Variants in FAM13A observed in about 807,000 individuals in gnomAD.
The protein encoded by FAM13A is family with sequence similarity 13 member A, also known as protein FAM13A.
A neutral mutation model predicts 129.6 loss-of-function variants in FAM13A; 76 were observed. The observed-to-expected ratio is 0.59, with a 90% CI of 0.49 to 0.71. FAM13A has a LOEUF of 0.71. Among genes scored for constraint, FAM13A ranks in the 30% least tolerant of loss-of-function variants. FAM13A has a pLI of 0.00. For missense variants in FAM13A, 1,108 were observed against 1,249.3 expected (o/e 0.89, Z 1.70); for synonymous variants, 443 against 449.9 (o/e 0.98, Z 0.20).
chr4:88,783,158 T>C (rs1418670017), intron 10 of FAM13A, among the ~76,000 whole-genome samples: 1 of 152,178 alleles, frequency 6.6e-6, no homozygotes, highest in East Asian at 1.9e-4. Flanking sequence ...TAGATATTTT[T>C]AATGTATAAT....
intron 21 of FAM13A, 91 bp downstream of exon 21, chr4:88,737,381 G>A (rs1578423922): frequency 2.7e-6 from 3 of 1,112,820 alleles, no homozygotes; most frequent in Admixed American, 1.7e-5. Context: ...CAAAAGGCCC[G>A]ATCACACCCC....
At chr4:88,868,344 T>C (rs992317460) in intron 6 of FAM13A, among the ~76,000 whole-genome samples, 9 of 152,208 alleles carry the variant, frequency 5.9e-5, no homozygotes, top group African/African-American at 2.2e-4. Context: ...GCACGAACCA[T>C]CCACCCACTT....
intron 4 of FAM13A, among the ~76,000 whole-genome samples, chr4:88,949,131 T>C (rs1756485681): frequency 6.6e-6 from 1 of 152,232 alleles, no homozygotes; most frequent in South Asian, 2.1e-4. Context: ...CTCACCTTTG[T>C]TTCAATGATG....
At chr4:88,760,713 T>C (rs1255912748) in intron 13 of FAM13A, among the ~76,000 whole-genome samples, 1 of 152,016 alleles carries the variant, frequency 6.6e-6, no homozygotes, top group Non-Finnish European at 1.5e-5. Context: ...ATTAGGCATT[T>C]ATGTCACAAA....
chr4:89,005,808 T>C (rs1381998257), intron 3 of FAM13A, among the ~76,000 whole-genome samples: 1 of 152,224 alleles, frequency 6.6e-6, no homozygotes, highest in Admixed American at 6.5e-5. Context: ...AGGCTGGATA[T>C]TAAACCTTTG....
At chr4:89,056,299 A>T (rs1456213428) in intron 1 of FAM13A, among the ~76,000 whole-genome samples, 1 of 152,216 alleles carries the variant, frequency 6.6e-6, no homozygotes, top group African/African-American at 2.4e-5. Context: ...TAATTTAGAA[A>T]TTCATAAATT....
intron 6 of FAM13A, among the ~76,000 whole-genome samples, chr4:88,870,475 G>C (rs185574065): frequency 6.6e-6 from 1 of 152,228 alleles, no homozygotes; most frequent in Non-Finnish European, 1.5e-5. Context: ...CACACCAGGA[G>C]ATTATACCCC....
chr4:89,016,486 G>C (rs1341181137), intron 3 of FAM13A, among the ~76,000 whole-genome samples: 2 of 152,034 alleles, frequency 1.3e-5, no homozygotes, highest in Non-Finnish European at 2.9e-5. Context: ...TAATCTCCTA[G>C]GCCTTCATAT....
chr4:89,003,790 G>A (rs1764616139), intron 3 of FAM13A, among the ~76,000 whole-genome samples: 1 of 152,122 alleles, frequency 6.6e-6, no homozygotes, highest in African/African-American at 2.4e-5. Flanking sequence ...ATTGTTTGGA[G>A]TAAGTGGCAA....
rs972538688 is a variant in FAM13A, at chr4:88,727,098, C to T, written c.*1435G>A. Reference sequence around the variant, plus strand: ...AAAACTGTGCCCTTTCAGAAGGCAACTTTCAAAACATACGAGGGTGCCTCT... The same window carrying T: ...AAAACTGTGCCCTTTCAGAAGGCAATTTTCAAAACATACGAGGGTGCCTCT... On this transcript the variant is annotated 3_prime_UTR_variant, in exon 24 of 24. Transcript: ENST00000264344. 6.6e-6 allele frequency: 1 copy of T among 152,304 alleles called. No homozygotes were observed. Among genetic ancestry groups the T allele is most frequent in the Non-Finnish European group, 1.5e-5 (1 of 68,034 alleles). 9.4% of individuals were successfully genotyped at this position (152,304 alleles called of 1,614,324 possible).
intron 1 of FAM13A, among the ~76,000 whole-genome samples, chr4:89,048,495 G>A (rs1434168883): frequency 6.6e-6 from 1 of 152,034 alleles, no homozygotes; most frequent in Admixed American, 6.6e-5. Flanking sequence ...TTCTAGAAAT[G>A]GATTTTGGTG....
intron 2 of FAM13A, among the ~76,000 whole-genome samples, chr4:89,023,238 T>A (rs10006744): frequency 0.48 from 73,046 of 151,910 alleles, 17,996 homozygotes; most frequent in Middle Eastern, 0.57. Context: ...AAGTTTATCT[T>A]TAGCTTCAGA....
chr4:88,845,447 C>G (rs879395209), intron 7 of FAM13A, among the ~76,000 whole-genome samples: 7 of 151,936 alleles, frequency 4.6e-5, no homozygotes, highest in Non-Finnish European at 1.0e-4. Flanking sequence ...AGCAGACAGA[C>G]AGAGCAGACA....
At chr4:88,898,244 G>A (rs1746677792) in intron 6 of FAM13A, among the ~76,000 whole-genome samples, 1 of 152,054 alleles carries the variant, frequency 6.6e-6, no homozygotes, top group Admixed American at 6.6e-5. Context: ...ATAAGCAAAT[G>A]TTACCTAAAA....
chr4:88,837,817 GTTATAT>G (rs1735093255), intron 7 of FAM13A, among the ~76,000 whole-genome samples: 1 of 150,134 alleles, frequency 6.7e-6, no homozygotes, highest in African/African-American at 2.5e-5. Flanking sequence ...TCCTTTTTCA[GTTATAT>G]TTATATGTCA....
At chr4:89,006,823 A>G (rs952514168) in intron 3 of FAM13A, among the ~76,000 whole-genome samples, 3 of 152,076 alleles carry the variant, frequency 2.0e-5, no homozygotes, top group African/African-American at 7.2e-5. Context: ...GAGGAAGGTA[A>G]TCTTTCCCTG....
At chr4:88,823,093 G>T in intron 7 of FAM13A, 2 of 1,589,424 alleles carry the variant, frequency 1.3e-6, no homozygotes, top group Non-Finnish European at 1.7e-6. Flanking sequence ...TCTTACAGTG[G>T]CTAAGCTGGG....
At chr4:88,742,480 C>A (rs926983817) in intron 19 of FAM13A, among the ~76,000 whole-genome samples, 1 of 151,986 alleles carries the variant, frequency 6.6e-6, no homozygotes, top group African/African-American at 2.4e-5. Flanking sequence ...AACAGAAGCA[C>A]CAAAAATATC....
intron 6 of FAM13A, among the ~76,000 whole-genome samples, chr4:88,867,812 T>C (rs1740709283): frequency 6.6e-6 from 1 of 152,154 alleles, no homozygotes; most frequent in Admixed American, 6.5e-5. Flanking sequence ...TTTAGGGAAA[T>C]GGTAGATACC....
Sources: allele counts gnomAD v4.1 joint callset (sites outside exome capture counted in the v4.1 genomes callset), GRCh38; gene constraint gnomAD v4.1.1; transcripts MANE v1.5; gene names NCBI Gene and HGNC (gene_info 2026-07-23, HGNC 2026-07-21).